Variants in FOXP1 observed in about 807,000 individuals in gnomAD.
FOXP1 encodes the protein forkhead box protein P1.
In FOXP1, 15 loss-of-function variants were observed where a neutral mutation model predicts 98.2. The observed-to-expected ratio is 0.15, with a 90% CI of 0.10 to 0.24. The LOEUF is 0.24. FOXP1 is among the 10% of genes least tolerant of loss of function. The pLI is 1.00. For missense variants in FOXP1, 633 were observed against 848.5 expected, an observed-to-expected ratio of 0.75 and a Z score of 3.15; for synonymous variants, 371 against 314.5, an observed-to-expected ratio of 1.18 and a Z score of -1.90.
chr3:71,118,667 G>A (rs529778721), intron 6 of FOXP1, among the ~76,000 whole-genome samples: 3 of 152,054 alleles, frequency 2.0e-5, no homozygotes, highest in South Asian at 2.1e-4. Context: ...GACCAAATTC[G>A]GTCTATCACC....
At chr3:71,114,129 C>T (rs975857134) in intron 6 of FOXP1, among the ~76,000 whole-genome samples, 6 of 152,148 alleles carry the variant, frequency 3.9e-5, no homozygotes, top group Non-Finnish European at 7.3e-5. Flanking sequence ...GTCATCAATA[C>T]ATCAAAAGGA....
intron 4 of FOXP1, among the ~76,000 whole-genome samples, chr3:71,315,441 G>A (rs1404214123): frequency 1.3e-5 from 2 of 152,174 alleles, no homozygotes; most frequent in Non-Finnish European, 2.9e-5. Context: ...ACAGATTTGG[G>A]ATAAACTGTG....
At chr3:71,369,080 T>C (rs888352620) in intron 3 of FOXP1, among the ~76,000 whole-genome samples, 3 of 152,082 alleles carry the variant, frequency 2.0e-5, no homozygotes, top group African/African-American at 7.2e-5. Flanking sequence ...CATGGGACCA[T>C]GTCTTTTTTT....
intron 11 of FOXP1, among the ~76,000 whole-genome samples, chr3:71,025,274 G>C (rs1468356120): frequency 6.6e-6 from 1 of 152,078 alleles, no homozygotes; most frequent in Non-Finnish European, 1.5e-5. Context: ...GCTATTCCTA[G>C]AGTAGTGCTT....
chr3:71,248,430 A>G (rs2067919990), intron 5 of FOXP1, among the ~76,000 whole-genome samples: 1 of 152,118 alleles, frequency 6.6e-6, no homozygotes, highest in Non-Finnish European at 1.5e-5. Context: ...CTCAAAGCAA[A>G]CTAAACTGGA....
At chr3:71,550,054 A>G (rs1045890137) in intron 2 of FOXP1, among the ~76,000 whole-genome samples, 1 of 152,188 alleles carries the variant, frequency 6.6e-6, no homozygotes, top group African/African-American at 2.4e-5. Flanking sequence ...TACTGCAAAC[A>G]GTATAGCATA....
intron 3 of FOXP1, among the ~76,000 whole-genome samples, chr3:71,401,209 T>G (rs1166204894): frequency 6.6e-6 from 1 of 152,234 alleles, no homozygotes; most frequent in Non-Finnish European, 1.5e-5. Context: ...CATTGCCCCC[T>G]GGGTACCAAC....
intron 4 of FOXP1, among the ~76,000 whole-genome samples, chr3:71,319,534 C>A (rs72955299): frequency 0.015 from 2,294 of 152,214 alleles, 39 homozygotes; most frequent in South Asian, 0.04. Context: ...AACAAAAATT[C>A]TTTTCACAGT....
intron 3 of FOXP1, among the ~76,000 whole-genome samples, chr3:71,490,298 A>G (rs1413293174): frequency 6.6e-6 from 1 of 152,104 alleles, no homozygotes; most frequent in South Asian, 2.1e-4. Flanking sequence ...GGAGTTCGAG[A>G]CCAGCCTGGC....
chr3:71,290,694 A>G (rs2072655884), intron 5 of FOXP1, among the ~76,000 whole-genome samples: 1 of 152,204 alleles, frequency 6.6e-6, no homozygotes, highest in African/African-American at 2.4e-5. Context: ...GTCTCTTACT[A>G]CAACTTGAGT....
chr3:70,972,937 A>G (rs1463318388), intron 17 of FOXP1, among the ~76,000 whole-genome samples: 1 of 152,080 alleles, frequency 6.6e-6, no homozygotes, highest in Non-Finnish European at 1.5e-5. Flanking sequence ...TTTAATATGC[A>G]TACAAGCCCA....
intron 11 of FOXP1, among the ~76,000 whole-genome samples, chr3:71,021,639 T>G (rs560505579): frequency 2.0e-5 from 3 of 152,324 alleles, no homozygotes; most frequent in South Asian, 2.1e-4. Context: ...CACTTTATAT[T>G]CTCACCAGCA....
At chr3:71,379,287 C>G (rs139282760) in intron 3 of FOXP1, among the ~76,000 whole-genome samples, 2,792 of 152,240 alleles carry the variant, frequency 0.018, 37 homozygotes, top group Middle Eastern at 0.041. Context: ...TTAGGTGGTA[C>G]AGGCATAGCA....
At chr3:71,411,278 C>CGCGTGTGTGTGTGT (rs1553875423) in intron 3 of FOXP1, among the ~76,000 whole-genome samples, 2 of 141,684 alleles carry the variant, frequency 1.4e-5, no homozygotes, top group African/African-American at 2.7e-5. Context: ...GCTGAATGGG[C>CGCGTGTGTGTGTGT]GTGTGTGTGT....
At chr3:70,993,499 A>G (rs1044370203) in intron 13 of FOXP1, among the ~76,000 whole-genome samples, 1 of 152,218 alleles carries the variant, frequency 6.6e-6, no homozygotes, top group Non-Finnish European at 1.5e-5. Flanking sequence ...TTGGCATTAA[A>G]CAAGTTAATC....
chr3:71,174,826 A>ACACACACCC (rs1050762895), intron 6 of FOXP1, among the ~76,000 whole-genome samples: 2 of 147,228 alleles, frequency 1.4e-5, no homozygotes, highest in Admixed American at 1.4e-4. Flanking sequence ...ACACACACAC[A>ACACACACCC]CCCCAATATA....
At chr3:71,197,547 T>G (rs999859882) in intron 6 of FOXP1, among the ~76,000 whole-genome samples, 19 of 152,284 alleles carry the variant, frequency 1.2e-4, no homozygotes, top group African/African-American at 4.6e-4. Flanking sequence ...TCCCAACTTA[T>G]GTACATTTTG....
intron 5 of FOXP1, among the ~76,000 whole-genome samples, chr3:71,274,770 T>TATCACTGGGTTTCTAAA (rs1459319073): frequency 1.3e-5 from 2 of 151,652 alleles, no homozygotes; most frequent in African/African-American, 4.9e-5. Flanking sequence ...AACAGTTTCT[T>TATCACTGGGTTTCTAAA]ATCACTGGGT....
rs1427373474 is a variant in FOXP1 at position 71,293,683 on chromosome 3, A to T, written c.-12+6137T>A. The stretch of plus-strand genomic sequence containing the variant: ...TTCTCTGGAAATCAATATTTAAGAA[A>T]TTTTTTTTCTTTGAAACTAACATTC... On this transcript the variant is annotated intron_variant, in intron 5 of 20. Coordinates refer to ENST00000649528, the MANE Select transcript of FOXP1 (RefSeq NM_001349338.3). 3.3e-5 allele frequency among the ~76,000 whole-genome samples: 5 copies of T among 151,998 alleles called. No homozygotes were observed. In the East Asian group the frequency reaches 5.8e-4, roughly 18 times the overall value.
Sources: gnomAD v4.1 joint callset for allele counts (sites outside exome capture counted in the v4.1 genomes callset) on GRCh38, gnomAD v4.1.1 for gene constraint, MANE v1.5 for transcripts, NCBI Gene and HGNC (gene_info 2026-07-23, HGNC 2026-07-21) for gene names.